The following DNAH17 variants were observed in gnomAD, a reference collection of about 807,000 sequenced individuals.
DNAH17 encodes dynein axonemal heavy chain 17.
Under a neutral mutation model 485.6 loss-of-function variants are expected in DNAH17, and 376 were observed. The observed-to-expected ratio is 0.77, with a 90% CI of 0.71 to 0.84. DNAH17 has a LOEUF of 0.84. Among genes scored for constraint, DNAH17 ranks in the 40% least tolerant of loss-of-function variants. The pLI is 0.00. For synonymous variants in DNAH17, 3,031 were observed against 2,405.9 expected, an observed-to-expected ratio of 1.26 and a Z score of -7.60; for missense variants, 6,370 against 5,839.3, an observed-to-expected ratio of 1.09 and a Z score of -2.96.
chr17:78,522,508 G>A (rs1413892847), intron 25 of DNAH17: 1 of 334,440 alleles, frequency 3.0e-6, no homozygotes, highest in Non-Finnish European at 6.0e-6. Context: ...GGCCTCACGA[G>A]GAGGGACAAG....
At chr17:78,545,693 TATA>T (rs1160388445) in intron 16 of DNAH17, among the ~76,000 whole-genome samples, 1 of 152,222 alleles carries the variant, frequency 6.6e-6, no homozygotes, top group Non-Finnish European at 1.5e-5. Flanking sequence ...TCCATGGCAG[TATA>T]ATAATGCTGT....
chr17:78,494,956 C>T lies in DNAH17; in HGVS notation c.6042+3G>A, dbSNP rs766300213. Reference sequence around the variant, plus strand: ...CCCGCCGTGAGCTCCAGGACACACACACCTGCTTCGAGAGCAGCTCCTTGC... The same window carrying T: ...CCCGCCGTGAGCTCCAGGACACACATACCTGCTTCGAGAGCAGCTCCTTGC... On this transcript the variant is annotated splice_donor_region_variant and intron_variant, in intron 39 of 80. Transcript: ENST00000389840. The T allele has an allele frequency of 3.7e-6, 6 of 1,610,746 alleles. No homozygotes were observed. The South Asian group carries it at 5.5e-5, about 15-fold the overall frequency.
intron 75 of DNAH17, among the ~76,000 whole-genome samples, chr17:78,431,836 C>T (rs1216505554): frequency 1.3e-5 from 2 of 152,090 alleles, no homozygotes; most frequent in East Asian, 3.9e-4. Flanking sequence ...TTAGAAGCTG[C>T]CCAGCGTGTG....
intron 12 of DNAH17, 31 bp downstream of exon 12, chr17:78,561,684 G>T (rs753844079): frequency 1.3e-6 from 2 of 1,573,462 alleles, no homozygotes; most frequent in Non-Finnish European, 1.7e-6. Flanking sequence ...TGGAGGCGGG[G>T]TGCCTGCCCC....
Position 78,486,476 on chromosome 17 carries a change from C to G in DNAH17, c.6849G>C (p.Lys2283Asn). The G allele has an allele frequency of 6.2e-7, 1 of 1,611,720 alleles. No homozygotes were observed. Among genetic ancestry groups the G allele is most frequent in the Non-Finnish European group, 8.5e-7 (1 of 1,178,710 alleles). Residue 2283 changes from lysine to asparagine, a missense_variant, in exon 45 of 81, where the codon AAG becomes AAC. Transcript: ENST00000389840. ...TCAGGTTGGCCTTCTCCGACTGCAC[C>G]TTGCGCCTCTCGATCCAGCTGCTCA... ...PVVSSWIERR[K>N]VQSEKANLMI...
Position 78,475,800 on chromosome 17 carries a change from T to G in DNAH17, c.8188A>C (p.Asn2730His). The G allele has an allele frequency of 6.2e-7, 1 of 1,613,870 alleles. No individual in the cohort carries two copies. Among genetic ancestry groups the G allele is most frequent in the Non-Finnish European group, 8.5e-7 (1 of 1,179,856 alleles). ...LGDELLFAKP[N>H]IFCHFAQGIG... The stretch of plus-strand genomic sequence containing the variant: ...CCTTGAGCAAAGTGGCAGAAGATAT[T>G]TGGCTTGGCAAATAAGAGTTCATCA... The change falls in exon 53 of 81, where the codon AAT becomes CAT. Residue 2730 changes from asparagine to histidine, a missense_variant. Transcript: ENST00000389840.
chr17:78,507,790 C>T lies in DNAH17; in HGVS notation c.4252G>A (p.Asp1418Asn). Residue 1418 changes from aspartate (D) to asparagine (N), a missense_variant, in exon 28 of 81, where the codon GAC becomes AAC. Physicochemically the swap from Asp to Asn is conservative, Grantham distance 23. Coordinates refer to ENST00000389840, the MANE Select transcript of DNAH17 (RefSeq NM_173628.4). ...AATTCCATCATGCTCCAGGTACTGTCCAGGGCTTTCAGCACCTTTTGGGGG... is the reference window on the plus strand; with the variant it reads ...AATTCCATCATGCTCCAGGTACTGTTCAGGGCTTTCAGCACCTTTTGGGGG... ...SGMEKVLKAL[D>N]STWSMMEFQH... 1.3e-6 allele frequency: 2 copies of T among 1,572,856 alleles called. No homozygotes were observed. Among genetic ancestry groups the T allele is most frequent in the Non-Finnish European group, 1.7e-6 (2 of 1,164,652 alleles).
At position 78,439,213 on chromosome 17, in the gene DNAH17, T is replaced by A. The variant is rs757253097; in HGVS notation, c.11682A>T (p.Lys3894Asn). 1.2e-6 allele frequency: 2 copies of A among 1,600,970 alleles called. No individual in the cohort carries two copies. The highest frequency in any genetic ancestry group is 1.7e-6 in the Non-Finnish European group (2 of 1,175,402). Reference protein sequence around the residue: ...DPLKDVEALGKKLGFTIDNGK... With the variant: ...DPLKDVEALGNKLGFTIDNGK... ...CATTGTCTATGGTAAACCCTAGTTT[T>A]TTTCCTAAAGAAAAGAAAAACAGGA... Residue 3894 changes from lysine (K) to asparagine (N), a missense_variant, in exon 73 of 81, where the codon AAA (lysine) becomes AAT (asparagine). Physicochemically the swap from Lys to Asn is moderately conservative, Grantham distance 94. Transcript: ENST00000389840.
chr17:78,544,241 G>C (rs576248532), intron 16 of DNAH17, among the ~76,000 whole-genome samples: 5 of 152,178 alleles, frequency 3.3e-5, no homozygotes, highest in African/African-American at 9.7e-5. Context: ...ACCACAGAAA[G>C]ACCATTGAGA....
chr17:78,443,918 G>A (rs1409309571), intron 71 of DNAH17, among the ~76,000 whole-genome samples: 2 of 152,150 alleles, frequency 1.3e-5, no homozygotes, highest in African/African-American at 4.8e-5. Flanking sequence ...AAATGAAAAG[G>A]GGAGAAGCCA....
chr17:78,475,553 G>A, intron 53 of DNAH17, 84 bp from the exon 54 acceptor site: 1 of 1,597,414 alleles, frequency 6.3e-7, no homozygotes, highest in Non-Finnish European at 8.6e-7. Context: ...ACATGCTGAG[G>A]TGTGCACTGT....
In DNAH17 at chr17:78,486,505, C is replaced by A; in HGVS notation, c.6820G>T (p.Val2274Leu). 8 of 1,598,506 alleles carry A rather than the reference C, an allele frequency of 5.0e-6. No individual in the cohort carries two copies. Among genetic ancestry groups the A allele is most frequent in the Non-Finnish European group, 6.8e-6 (8 of 1,169,976 alleles). Residue 2274 changes from valine to leucine, a missense_variant and splice_region_variant, in exon 45 of 81, where the codon GTG becomes TTG. By Grantham distance (32) the Val-to-Leu change is conservative (BLOSUM62 1). Transcript: ENST00000389840. ...INPADLGWNPVVSSWIERRKV... is the reference protein window; with the variant it reads ...INPADLGWNPLVSSWIERRKV... ...CGCCTCTCGATCCAGCTGCTCACCA[C>A]CCTGGGGGTGACAGGAGGCGCCGAT...
At chr17:78,575,491 A>G (rs751463623) in intron 1 of DNAH17, among the ~76,000 whole-genome samples, 1 of 152,170 alleles carries the variant, frequency 6.6e-6, no homozygotes, top group African/African-American at 2.4e-5. Context: ...GAAAGCAATA[A>G]AAGACGTCGC....
At chr17:78,538,368 G>T (rs1348610944) in intron 18 of DNAH17, among the ~76,000 whole-genome samples, 1 of 152,130 alleles carries the variant, frequency 6.6e-6, no homozygotes, top group East Asian at 1.9e-4. Flanking sequence ...GAGAACCCAA[G>T]TGCTCTTCCT....
chr17:78,536,138 T>C (rs1425487903), intron 19 of DNAH17, among the ~76,000 whole-genome samples: 2 of 152,064 alleles, frequency 1.3e-5, no homozygotes, highest in Non-Finnish European at 1.5e-5. Flanking sequence ...GGAGAATCAG[T>C]GTTTACATTA....
At chr17:78,461,439 A>C in intron 58 of DNAH17, 105 bp downstream of exon 58, 1 of 1,241,442 alleles carries the variant, frequency 8.1e-7, no homozygotes, top group Non-Finnish European at 1.1e-6. Context: ...TGTAAGTCTC[A>C]GCCTTTCCCA....
intron 44 of DNAH17, among the ~76,000 whole-genome samples, chr17:78,488,315 T>C (rs1598562846): frequency 6.6e-6 from 1 of 152,210 alleles, no homozygotes; most frequent in African/African-American, 2.4e-5. Flanking sequence ...CAGTTGCCTA[T>C]AGGAGGGCTG....
chr17:78,550,515 G>A (rs2091878880), intron 16 of DNAH17, among the ~76,000 whole-genome samples: 1 of 152,212 alleles, frequency 6.6e-6, no homozygotes. Flanking sequence ...CATCCAGCAT[G>A]ACCAGTGTCC....
chr17:78,538,482 G>T (rs1468088083), intron 18 of DNAH17, among the ~76,000 whole-genome samples: 1 of 152,218 alleles, frequency 6.6e-6, no homozygotes, highest in African/African-American at 2.4e-5. Context: ...GGACCTGTGG[G>T]TTATGAGCTT....
Sources: gnomAD v4.1 joint callset for allele counts (sites outside exome capture counted in the v4.1 genomes callset) on GRCh38, gnomAD v4.1.1 for gene constraint, MANE v1.5 for transcripts, NCBI Gene and HGNC (gene_info 2026-07-23, HGNC 2026-07-21) for gene names.